Variants in PTPRD observed in about 807,000 individuals in gnomAD.
PTPRD encodes protein tyrosine phosphatase receptor type D.
A neutral mutation model predicts 214.5 loss-of-function variants in PTPRD; 34 were observed. The ratio of observed to expected loss-of-function variants is 0.16; its 90% CI spans 0.12 to 0.21. PTPRD has a LOEUF of 0.21. Among genes scored for constraint, PTPRD ranks in the 10% least tolerant of loss-of-function variants. The pLI is 1.00. For missense variants in PTPRD, 2,545 were observed against 2,398.7 expected (o/e 1.06, Z -1.27); for synonymous variants, 1,128 against 845.7 (o/e 1.33, Z -5.79).
chr9:9,831,547 G>A (rs2054843459), intron 5 of PTPRD, among the ~76,000 whole-genome samples: 1 of 151,902 alleles, frequency 6.6e-6, no homozygotes, highest in Non-Finnish European at 1.5e-5. Flanking sequence ...TCGTAAGATT[G>A]AAGATGATGA....
chr9:8,581,979 A>G (rs749946526), intron 14 of PTPRD, among the ~76,000 whole-genome samples: 3 of 151,204 alleles, frequency 2.0e-5, no homozygotes, highest in Non-Finnish European at 4.4e-5. Flanking sequence ...TAGATAATTT[A>G]CAAATTTTTA....
chr9:10,457,101 G>A (rs1297863504), intron 2 of PTPRD, among the ~76,000 whole-genome samples: 1 of 151,576 alleles, frequency 6.6e-6, no homozygotes, highest in Non-Finnish European at 1.5e-5. Flanking sequence ...TTTTTATTGA[G>A]CTAATGCATA....
chr9:9,307,854 T>C (rs1426497654), intron 9 of PTPRD, among the ~76,000 whole-genome samples: 1 of 152,188 alleles, frequency 6.6e-6, no homozygotes, highest in African/African-American at 2.4e-5. Context: ...GTTCTAGTTC[T>C]ACTGAACCAC....
intron 2 of PTPRD, among the ~76,000 whole-genome samples, chr9:10,503,486 G>T (rs2044606477): frequency 6.6e-6 from 1 of 151,858 alleles, no homozygotes; most frequent in South Asian, 2.1e-4. Flanking sequence ...AGTACCTAAA[G>T]GGATTTAAAA....
At chr9:9,164,749 A>G (rs2099898375) in intron 10 of PTPRD, among the ~76,000 whole-genome samples, 1 of 152,094 alleles carries the variant, frequency 6.6e-6, no homozygotes, top group Admixed American at 6.6e-5. Flanking sequence ...ACGGTACCTC[A>G]TGCCAGTAAT....
chr9:8,581,794 G>T (rs895233833), intron 14 of PTPRD, among the ~76,000 whole-genome samples: 1 of 148,454 alleles, frequency 6.7e-6, no homozygotes, highest in African/African-American at 2.5e-5. Context: ...GGGAGGGGAG[G>T]AGAGGTGAGG....
intron 3 of PTPRD, among the ~76,000 whole-genome samples, chr9:10,278,043 C>G (rs1819208): frequency 2.0e-5 from 3 of 151,782 alleles, no homozygotes; most frequent in African/African-American, 7.3e-5. Flanking sequence ...GCCTGTAGTC[C>G]CAGCTACTCG....
At chr9:9,925,754 T>C (rs2084064633) in intron 5 of PTPRD, among the ~76,000 whole-genome samples, 1 of 152,148 alleles carries the variant, frequency 6.6e-6, no homozygotes, top group Non-Finnish European at 1.5e-5. Context: ...TTTCCTTTTA[T>C]CTTTGTTTCA....
chr9:8,373,417 A>G (rs1441257605), intron 39 of PTPRD, among the ~76,000 whole-genome samples: 3 of 151,986 alleles, frequency 2.0e-5, no homozygotes, highest in African/African-American at 7.2e-5. Context: ...CGAAGTTGCT[A>G]ACAAATTTCT....
intron 2 of PTPRD, among the ~76,000 whole-genome samples, chr9:10,360,014 C>T (rs904840904): frequency 1.1e-4 from 16 of 152,126 alleles, no homozygotes; most frequent in Non-Finnish European, 1.9e-4. Context: ...ACATTTTTCT[C>T]AATGTTCCTT....
intron 4 of PTPRD, among the ~76,000 whole-genome samples, chr9:9,951,747 G>A (rs1396326793): frequency 1.3e-5 from 2 of 152,194 alleles, no homozygotes; most frequent in African/African-American, 2.4e-5. Flanking sequence ...TTCTGCATCA[G>A]GAGGAAACAG....
intron 11 of PTPRD, among the ~76,000 whole-genome samples, chr9:8,871,041 T>TA (rs1280637224): frequency 5.3e-5 from 8 of 152,202 alleles, no homozygotes; most frequent in African/African-American, 1.9e-4. Context: ...TTTTCTGTCT[T>TA]ATACTCTTTA....
intron 4 of PTPRD, among the ~76,000 whole-genome samples, chr9:10,000,841 C>T (rs1374179038): frequency 2.0e-5 from 3 of 152,150 alleles, no homozygotes; most frequent in Non-Finnish European, 4.4e-5. Context: ...TAGCTATCTC[C>T]ACGGGTGCAG....
At chr9:8,976,340 G>C (rs1011952921) in intron 11 of PTPRD, among the ~76,000 whole-genome samples, 24 of 152,010 alleles carry the variant, frequency 1.6e-4, no homozygotes, top group African/African-American at 5.6e-4. Flanking sequence ...ATAGAACTAG[G>C]ACCTAATTAA....
At chr9:9,220,296 T>C (rs146775766) in intron 9 of PTPRD, among the ~76,000 whole-genome samples, 977 of 66,926 alleles carry the variant, frequency 0.015, 10 homozygotes, top group African/African-American at 0.047. Context: ...ACTTTCTTAA[T>C]AAACTTGCTT....
At chr9:9,865,761 C>T (rs75280335) in intron 5 of PTPRD, among the ~76,000 whole-genome samples, 8,216 of 152,254 alleles carry the variant, frequency 0.054, 417 homozygotes, top group African/African-American at 0.14. Flanking sequence ...GAAATATAAG[C>T]TATCTTGGGT....
At chr9:8,431,842 T>C (rs1232818019) in intron 35 of PTPRD, among the ~76,000 whole-genome samples, 1 of 152,212 alleles carries the variant, frequency 6.6e-6, no homozygotes, top group African/African-American at 2.4e-5. Context: ...GCTGGCCTCA[T>C]AAAATGAGTT....
At chr9:9,100,342 A>G (rs1591614939) in intron 10 of PTPRD, among the ~76,000 whole-genome samples, 1 of 152,282 alleles carries the variant, frequency 6.6e-6, no homozygotes, top group East Asian at 1.9e-4. Flanking sequence ...TATAGAAAAG[A>G]GCATGATGTC....
intron 4 of PTPRD, among the ~76,000 whole-genome samples, chr9:9,972,756 C>G (rs1203048734): frequency 6.6e-6 from 1 of 152,140 alleles, no homozygotes; most frequent in African/African-American, 2.4e-5. Flanking sequence ...TGCCTGCATG[C>G]CTTGTCTTGT....
Sources: gnomAD v4.1 joint callset for allele counts (sites outside exome capture counted in the v4.1 genomes callset) on GRCh38, gnomAD v4.1.1 for gene constraint, MANE v1.5 for transcripts, NCBI Gene and HGNC (gene_info 2026-07-23, HGNC 2026-07-21) for gene names.